CALN1: variants seen among roughly 807,000 people sequenced by gnomAD.
The protein encoded by CALN1 is calcium-binding protein 8.
Under a neutral mutation model 30.6 loss-of-function variants are expected in CALN1, and 17 were observed. The observed-to-expected ratio is 0.56, with a 90% CI of 0.38 to 0.83. The LOEUF is 0.83. Among genes scored for constraint, CALN1 ranks in the 40% least tolerant of loss-of-function variants. The probability of loss-of-function intolerance (pLI) is 0.00; values close to 1 mark genes in which losing one functional copy is unlikely to be tolerated. For synonymous variants in CALN1, 156 were observed against 131.4 expected (o/e 1.19, Z -1.28); for missense variants, 291 against 354.9 (o/e 0.82, Z 1.45).
chr7:72,486,339 T>C, the CALN1 span, among the ~76,000 whole-genome samples: 48 of 152,286 alleles, frequency 3.2e-4, no homozygotes, highest in Non-Finnish European at 5.9e-4. Context: ...CATATAAACC[T>C]GTAAATCATC....
chr7:71,854,924 T>G (rs905649606), intron 5 of CALN1, among the ~76,000 whole-genome samples: 2 of 152,228 alleles, frequency 1.3e-5, no homozygotes, highest in Admixed American at 1.3e-4. Flanking sequence ...AGTTCTTTGA[T>G]ACATCTCAAA....
chr7:72,325,368 A>G (rs1340385050), intron 2 of CALN1, among the ~76,000 whole-genome samples: 1 of 152,174 alleles, frequency 6.6e-6, no homozygotes, highest in Non-Finnish European at 1.5e-5. Flanking sequence ...TGGGAGGCCA[A>G]GGTGGGTGGA....
At position 72,281,484 on chromosome 7, in the gene CALN1, T is replaced by C. The variant is rs542545451; in HGVS notation, c.120-2674A>G. Among the ~76,000 whole-genome samples, 43 of 152,316 alleles carry C rather than the reference T, an allele frequency of 2.8e-4. No homozygotes were observed. In the South Asian group the frequency reaches 8.9e-3, roughly 32 times the overall value. The stretch of plus-strand genomic sequence containing the variant: ...ACAGTGAGCCTCACCAGCTGTTATC[T>C]TAACATGTTTAAGTCTTCATAAACA... On this transcript the variant is annotated intron_variant, in intron 2 of 6. Coordinates refer to ENST00000395275, the MANE Select transcript of CALN1 (RefSeq NM_031468.4).
intron 3 of CALN1, among the ~76,000 whole-genome samples, chr7:72,233,379 G>C (rs1382810459): frequency 6.6e-6 from 1 of 151,946 alleles, no homozygotes; most frequent in African/African-American, 2.4e-5. Context: ...GGGGCTAAGG[G>C]GAGAAGAGAA....
chr7:71,807,800 G>A (rs1162601700), intron 6 of CALN1, among the ~76,000 whole-genome samples: 1 of 152,050 alleles, frequency 6.6e-6, no homozygotes, highest in African/African-American at 2.4e-5. Flanking sequence ...ATTAGGCCGA[G>A]TGTGATGGCT....
chr7:72,091,640 G>A (rs956985652), intron 4 of CALN1, among the ~76,000 whole-genome samples: 6 of 152,154 alleles, frequency 3.9e-5, no homozygotes, highest in African/African-American at 1.4e-4. Context: ...GTCTGTATAG[G>A]TAGGGTTGCA....
intron 5 of CALN1, among the ~76,000 whole-genome samples, chr7:71,883,629 G>A (rs370459337): frequency 4.8e-4 from 73 of 152,258 alleles, no homozygotes; most frequent in African/African-American, 1.7e-3. Context: ...CCTGTTCCTG[G>A]AATGCCTCTA....
intron 2 of CALN1, among the ~76,000 whole-genome samples, chr7:72,371,845 G>A (rs551117599): frequency 5.3e-5 from 8 of 152,324 alleles, no homozygotes; most frequent in Non-Finnish European, 8.8e-5. Context: ...AAGTAAGCAT[G>A]TTCCACCCTT....
chr7:72,471,501 G>A, the CALN1 span, among the ~76,000 whole-genome samples: 82 of 152,350 alleles, frequency 5.4e-4, no homozygotes, highest in African/African-American at 1.9e-3. Flanking sequence ...TGCTGGTGCT[G>A]GAAGCAGGGT....
rs573534297 is a variant in CALN1, at chr7:72,013,804, G to A, written c.501+9853C>T. 8.6e-5 allele frequency among the ~76,000 whole-genome samples: 13 copies of A among 151,346 alleles called. No homozygotes were observed. The East Asian group carries it at 2.5e-3, about 29-fold the overall frequency. ...TCTTGGCTTTTCCATTTACTATAAA[G>A]TGAAAATATTATTTCTAACAATTAT... On this transcript the variant is annotated intron_variant, in intron 5 of 6. Transcript: ENST00000395275.
chr7:71,975,728 C>T (rs569352294), intron 5 of CALN1, among the ~76,000 whole-genome samples: 1 of 151,866 alleles, frequency 6.6e-6, no homozygotes, highest in Non-Finnish European at 1.5e-5. Context: ...CCACACCCGG[C>T]CTCTTTTTTA....
At chr7:71,988,421 G>A (rs910585752) in intron 5 of CALN1, among the ~76,000 whole-genome samples, 1 of 152,098 alleles carries the variant, frequency 6.6e-6, no homozygotes, top group Non-Finnish European at 1.5e-5. Context: ...GGCAGAGGCG[G>A]CTCTCAGGAA....
At chr7:72,226,739 G>A (rs1793704746) in intron 3 of CALN1, among the ~76,000 whole-genome samples, 1 of 152,104 alleles carries the variant, frequency 6.6e-6, no homozygotes, top group African/African-American at 2.4e-5. Context: ...GGTTCACATG[G>A]ACAGGAAAAT....
upstream of CALN1, among the ~76,000 whole-genome samples, chr7:72,449,273 G>A (rs1043947477): frequency 4.6e-5 from 7 of 152,190 alleles, no homozygotes; most frequent in South Asian, 2.1e-4. Context: ...TGCGGACGGC[G>A]CACTGCAGAG....
chr7:72,472,432 AC>A, the CALN1 span, among the ~76,000 whole-genome samples: 1 of 151,766 alleles, frequency 6.6e-6, no homozygotes, highest in Non-Finnish European at 1.5e-5. Flanking sequence ...ACCTGCCCCC[AC>A]CCATTGGCCA....
chr7:72,279,276 T>C (rs1247542793), intron 2 of CALN1, among the ~76,000 whole-genome samples: 5 of 152,292 alleles, frequency 3.3e-5, no homozygotes, highest in East Asian at 3.9e-4. Context: ...CCAGATAATA[T>C]AGGCATTGCA....
At chr7:72,159,455 A>ACGCCACTG (rs1197913173) in intron 3 of CALN1, among the ~76,000 whole-genome samples, 1 of 152,020 alleles carries the variant, frequency 6.6e-6, no homozygotes, top group Middle Eastern at 3.2e-3. Flanking sequence ...AACTATGACC[A>ACGCCACTG]CGCCACTGTA....
chr7:72,130,414 AAAG>A, intron 3 of CALN1, among the ~76,000 whole-genome samples: 1 of 152,180 alleles, frequency 6.6e-6, no homozygotes, highest in East Asian at 1.9e-4. Flanking sequence ...CTTATGAAAA[AAAG>A]AAGAAAGACT....
intron 2 of CALN1, among the ~76,000 whole-genome samples, chr7:72,351,723 T>A (rs1430501122): frequency 1.3e-5 from 2 of 151,890 alleles, no homozygotes; most frequent in Non-Finnish European, 2.9e-5. Flanking sequence ...AAATACAATA[T>A]TTGAAAAATA....
Sources: gnomAD v4.1 joint callset for allele counts (sites outside exome capture counted in the v4.1 genomes callset) on GRCh38, gnomAD v4.1.1 for gene constraint, MANE v1.5 for transcripts, NCBI Gene and HGNC (gene_info 2026-07-23, HGNC 2026-07-21) for gene names.